ZBTB20: variants seen among roughly 807,000 people sequenced by gnomAD.
The protein encoded by ZBTB20 is zinc finger and BTB domain-containing protein 20.
ZBTB20 carries 9 observed loss-of-function variants against 56.9 expected under a neutral mutation model. The observed-to-expected ratio is 0.16, with a 90% CI of 0.10 to 0.28. The LOEUF (loss-of-function observed/expected upper bound fraction) is 0.28, where lower values mean the gene tolerates loss of function less well. Among genes scored for constraint, ZBTB20 ranks in the 10% least tolerant of loss-of-function variants. The pLI, the probability that ZBTB20 is intolerant of heterozygous loss-of-function variation, is 1.00. For missense variants in ZBTB20, 655 were observed against 1,003.0 expected, an observed-to-expected ratio of 0.65 and a Z score of 4.69; for synonymous variants, 417 against 420.7, an observed-to-expected ratio of 0.99 and a Z score of 0.11.
Position 114,924,427 on chromosome 3 carries a change from G to A in ZBTB20, c.-455-24085C>T, listed in dbSNP as rs552236860. Among the ~76,000 whole-genome samples the A allele has an allele frequency of 3.2e-4, 48 of 152,240 alleles. 1 individual carries two copies. Among genetic ancestry groups the A allele is most frequent in the African/African-American group, 1.1e-3 (45 of 41,550 alleles). ...CATTTTCAACAACATGAATGAATCTGTAAGACATTATACTAAGTAAAATAA... is the reference window on the plus strand; with the variant it reads ...CATTTTCAACAACATGAATGAATCTATAAGACATTATACTAAGTAAAATAA... On this transcript the variant is annotated intron_variant, in intron 3 of 11. Transcript: ENST00000675478.
At chr3:115,060,123 T>C (rs2081964080) in intron 2 of ZBTB20, among the ~76,000 whole-genome samples, 1 of 152,190 alleles carries the variant, frequency 6.6e-6, no homozygotes, top group Non-Finnish European at 1.5e-5. Context: ...GTATCATTAC[T>C]CAAACAACCT....
intron 7 of ZBTB20, among the ~76,000 whole-genome samples, chr3:114,482,968 T>C (rs1294869106): frequency 2.0e-5 from 3 of 152,206 alleles, no homozygotes; most frequent in African/African-American, 7.2e-5. Flanking sequence ...GCAGCACAAA[T>C]ATAGGCCTAT....
intron 4 of ZBTB20, among the ~76,000 whole-genome samples, chr3:114,898,505 G>A (rs2074978423): frequency 6.6e-6 from 1 of 152,004 alleles, no homozygotes; most frequent in Admixed American, 6.6e-5. Context: ...GAGAACTAAA[G>A]GCCATCAAGA....
intron 7 of ZBTB20, among the ~76,000 whole-genome samples, chr3:114,455,173 G>C (rs1050226994): frequency 4.6e-5 from 7 of 151,822 alleles, no homozygotes; most frequent in Non-Finnish European, 7.4e-5. Context: ...GAGAGAGCGC[G>C]AGAGGGAGAG....
intron 4 of ZBTB20, among the ~76,000 whole-genome samples, chr3:114,824,320 T>A (rs1242845206): frequency 2.0e-5 from 3 of 152,012 alleles, no homozygotes; most frequent in Non-Finnish European, 2.9e-5. Flanking sequence ...ATACAAAACA[T>A]ATCCTGAAAC....
chr3:114,827,129 A>C (rs1252227659), intron 4 of ZBTB20, among the ~76,000 whole-genome samples: 1 of 151,742 alleles, frequency 6.6e-6, no homozygotes, highest in Non-Finnish European at 1.5e-5. Context: ...AATAGTTGCT[A>C]ATCAAAATGA....
At chr3:114,822,641 A>G (rs1478845403) in intron 4 of ZBTB20, among the ~76,000 whole-genome samples, 1 of 152,102 alleles carries the variant, frequency 6.6e-6, no homozygotes, top group Non-Finnish European at 1.5e-5. Flanking sequence ...AATTTAAGTA[A>G]TAATAAGAAA....
At chr3:114,908,306 T>C (rs1365168574) in intron 3 of ZBTB20, among the ~76,000 whole-genome samples, 1 of 151,984 alleles carries the variant, frequency 6.6e-6, no homozygotes. Context: ...AGTTTTAAAA[T>C]GTTTCATAAG....
intron 7 of ZBTB20, among the ~76,000 whole-genome samples, chr3:114,463,059 T>C (rs986150125): frequency 6.6e-6 from 1 of 152,236 alleles, no homozygotes; most frequent in Non-Finnish European, 1.5e-5. Flanking sequence ...GAGATGCAGC[T>C]GCACCTTTTA....
chr3:114,972,508 T>C (rs1242236120), intron 3 of ZBTB20, among the ~76,000 whole-genome samples: 1 of 152,174 alleles, frequency 6.6e-6, no homozygotes, highest in Non-Finnish European at 1.5e-5. Context: ...AACTTTCAAC[T>C]TCATGATCTC....
intron 7 of ZBTB20, among the ~76,000 whole-genome samples, chr3:114,405,409 G>A (rs1333361481): frequency 1.3e-5 from 2 of 152,098 alleles, no homozygotes; most frequent in African/African-American, 4.8e-5. Context: ...CTCTCAGTTA[G>A]AGGATCCCTC....
chr3:114,445,910 C>T (rs767287849), intron 7 of ZBTB20, among the ~76,000 whole-genome samples: 1 of 152,090 alleles, frequency 6.6e-6, no homozygotes, highest in Non-Finnish European at 1.5e-5. Flanking sequence ...AATTAACTGA[C>T]TTTCTAACTT....
At chr3:114,396,416 T>C (rs1358262063) in intron 7 of ZBTB20, among the ~76,000 whole-genome samples, 3 of 152,208 alleles carry the variant, frequency 2.0e-5, no homozygotes, top group African/African-American at 7.2e-5. Flanking sequence ...TGGCTATTAC[T>C]GACTAAATGC....
chr3:114,492,766 CT>C (rs2042886027), intron 7 of ZBTB20, among the ~76,000 whole-genome samples: 1 of 152,092 alleles, frequency 6.6e-6, no homozygotes, highest in Non-Finnish European at 1.5e-5. Context: ...ATTTGTTATT[CT>C]TTTTACCCAG....
At chr3:114,762,488 G>T (rs2068508378) in intron 5 of ZBTB20, among the ~76,000 whole-genome samples, 1 of 152,188 alleles carries the variant, frequency 6.6e-6, no homozygotes, top group Non-Finnish European at 1.5e-5. Flanking sequence ...GATAAAGCTG[G>T]TTCTAGATGA....
At chr3:114,553,661 G>T (rs2050843978) in intron 6 of ZBTB20, among the ~76,000 whole-genome samples, 1 of 152,128 alleles carries the variant, frequency 6.6e-6, no homozygotes, top group African/African-American at 2.4e-5. Flanking sequence ...GGACTGAAAT[G>T]ACTTAAACAT....
At chr3:114,737,792 T>C (rs1215386018) in intron 5 of ZBTB20, among the ~76,000 whole-genome samples, 1 of 152,174 alleles carries the variant, frequency 6.6e-6, no homozygotes, top group Non-Finnish European at 1.5e-5. Flanking sequence ...CTGATCATCT[T>C]CCCTTTTTGA....
At chr3:114,838,999 T>G (rs748195998) in intron 4 of ZBTB20, among the ~76,000 whole-genome samples, 1 of 152,158 alleles carries the variant, frequency 6.6e-6, no homozygotes, top group Non-Finnish European at 1.5e-5. Context: ...TCCTGTTCTA[T>G]TAATTACAGT....
At chr3:114,935,348 G>T (rs922671688) in intron 3 of ZBTB20, among the ~76,000 whole-genome samples, 3 of 152,100 alleles carry the variant, frequency 2.0e-5, no homozygotes, top group Non-Finnish European at 4.4e-5. Flanking sequence ...CACACTTGAG[G>T]AAGCTCTTCA....
Sources: gnomAD v4.1 joint callset for allele counts (sites outside exome capture counted in the v4.1 genomes callset) on GRCh38, gnomAD v4.1.1 for gene constraint, MANE v1.5 for transcripts, NCBI Gene and HGNC (gene_info 2026-07-23, HGNC 2026-07-21) for gene names.